SPRED2: variants seen among roughly 807,000 people sequenced by gnomAD.
SPRED2 encodes the protein sprouty related EVH1 domain containing 2, also known as sprouty-related, EVH1 domain-containing protein 2.
In SPRED2, 47 loss-of-function variants were observed where a neutral mutation model predicts 43.0. The observed-to-expected ratio is 1.09, with a 90% confidence interval of 0.87 to 1.40. The LOEUF (loss-of-function observed/expected upper bound fraction) is 1.40. Among genes scored for constraint, SPRED2 ranks in the 40% most tolerant of loss-of-function variants. SPRED2 has a pLI of 0.00. For missense variants in SPRED2, 561 were observed against 586.4 expected, an observed-to-expected ratio of 0.96 and a Z score of 0.45; for synonymous variants, 225 against 225.7, an observed-to-expected ratio of 1.00 and a Z score of 0.03.
chr2:65,384,584 C>A (rs1477593007), intron 1 of SPRED2, among the ~76,000 whole-genome samples: 1 of 152,214 alleles, frequency 6.6e-6, no homozygotes, highest in Admixed American at 6.5e-5. Flanking sequence ...GCATAGGGTG[C>A]AGGCCCGTGA....
At chr2:65,356,595 C>T (rs191254581) in intron 1 of SPRED2, among the ~76,000 whole-genome samples, 128 of 137,892 alleles carry the variant, frequency 9.3e-4, no homozygotes, top group Admixed American at 1.9e-3. Context: ...CTGCCCTCTA[C>T]CCCAAAGAAA....
intron 1 of SPRED2, among the ~76,000 whole-genome samples, chr2:65,426,543 T>C (rs1012287204): frequency 9.9e-5 from 15 of 152,178 alleles, no homozygotes; most frequent in Admixed American, 9.8e-4. Context: ...CTTGAAATAA[T>C]AATTGCCATG....
intron 1 of SPRED2, among the ~76,000 whole-genome samples, chr2:65,410,295 G>A (rs540071758): frequency 6.6e-6 from 1 of 152,266 alleles, no homozygotes; most frequent in South Asian, 2.1e-4. Context: ...CAAATGATCT[G>A]CAAGCAGCCT....
chr2:65,328,946 T>C (rs75716079), intron 4 of SPRED2, among the ~76,000 whole-genome samples: 2,739 of 152,316 alleles, frequency 0.018, 41 homozygotes, highest in Middle Eastern at 0.041. Flanking sequence ...CCTTGATAAG[T>C]ACAAAATTCA....
At chr2:65,353,629 T>C (rs929386287) in intron 1 of SPRED2, among the ~76,000 whole-genome samples, 2 of 152,196 alleles carry the variant, frequency 1.3e-5, no homozygotes, top group Admixed American at 6.5e-5. Context: ...GCAATTTTGG[T>C]TCGAAATATA....
At chr2:65,420,836 C>A (rs919890165) in intron 1 of SPRED2, among the ~76,000 whole-genome samples, 27 of 152,308 alleles carry the variant, frequency 1.8e-4, no homozygotes, top group Non-Finnish European at 2.2e-4. Context: ...AAAAGGACCA[C>A]AATACAATCA....
At chr2:65,354,163 C>T (rs373568554) in intron 1 of SPRED2, among the ~76,000 whole-genome samples, 59 of 151,972 alleles carry the variant, frequency 3.9e-4, no homozygotes, top group African/African-American at 1.4e-3. Context: ...CTCTGACATC[C>T]CCCGAGCCTG....
In SPRED2 at chr2:65,313,591, G is replaced by A. The variant is rs375203802; in HGVS notation, c.1167C>T (p.Pro389=). 12 of 1,614,078 alleles carry A rather than the reference G, an allele frequency of 7.4e-6. No individual in the cohort carries two copies. The highest frequency in any genetic ancestry group is 7.6e-6 in the Non-Finnish European group (9 of 1,180,030). ...MALIALSFLA[P]CMCCYLPLRA... ...GAAGGGGCAGGTAACAGCACATACA[G>A]GGGGCCAGGAAAGACAAGGCAATAA... The change falls in exon 6 of 6, where the codon CCC becomes CCT. Residue 389 remains proline (P), a synonymous_variant. Transcript: ENST00000356388.
intron 1 of SPRED2, among the ~76,000 whole-genome samples, chr2:65,406,136 C>T (rs1230468188): frequency 6.6e-6 from 1 of 152,168 alleles, no homozygotes; most frequent in Non-Finnish European, 1.5e-5. Flanking sequence ...CTTCTTTGGG[C>T]TGAGAGTGCT....
Position 65,316,722 on chromosome 2 carries a change from G to T in SPRED2, c.588+12C>A. The T allele has an allele frequency of 6.2e-7, 1 of 1,603,974 alleles. No individual in the cohort carries two copies. Among genetic ancestry groups the T allele is most frequent in the Non-Finnish European group, 8.5e-7 (1 of 1,175,830 alleles). On this transcript the variant is annotated intron_variant, in intron 5 of 5. Coordinates refer to ENST00000356388, the MANE Select transcript of SPRED2 (RefSeq NM_181784.3). Reference sequence around the variant, plus strand: ...ACCCTGATGCCCTCAGAGGAACAGGGCTGCTGCTCACCTGATCGAGGTGAT... The same window carrying T: ...ACCCTGATGCCCTCAGAGGAACAGGTCTGCTGCTCACCTGATCGAGGTGAT...
Sources: gnomAD v4.1 joint callset for allele counts (sites outside exome capture counted in the v4.1 genomes callset) on GRCh38, gnomAD v4.1.1 for gene constraint, MANE v1.5 for transcripts, NCBI Gene and HGNC (gene_info 2026-07-23, HGNC 2026-07-21) for gene names.